The following PRPF8 variants were observed in gnomAD, a reference collection of about 807,000 sequenced individuals.
PRPF8 encodes the protein pre-mRNA processing factor 8.
In PRPF8, 64 loss-of-function variants were observed where a neutral mutation model predicts 285.9. The observed-to-expected ratio is 0.22, with a 90% CI of 0.18 to 0.28. The LOEUF is 0.28. Among genes scored for constraint, PRPF8 ranks in the 10% least tolerant of loss-of-function variants. The pLI, the probability that PRPF8 is intolerant of heterozygous loss-of-function variation, is 1.00. For missense variants in PRPF8, 1,426 were observed against 3,026.7 expected (o/e 0.47, Z 12.41); for synonymous variants, 1,325 against 1,118.2 (o/e 1.18, Z -3.69).
rs58454297 is a variant in PRPF8, at chr17:1,663,710, C to CAAAAA, written c.3775-1562_3775-1558dup. Reference sequence around the variant, plus strand: ...GGCAACCAAGGAAGAGACTCCATCTCAAAAAAAAAAAAAAAAAAAAAAAAA... The same window carrying CAAAAA: ...GGCAACCAAGGAAGAGACTCCATCTCAAAAAAAAAAAAAAAAAAAAAAAAAAAAAA... On this transcript the variant is annotated intron_variant, in intron 24 of 42. Coordinates refer to ENST00000304992, the MANE Select transcript of PRPF8 (RefSeq NM_006445.4). Among the ~76,000 whole-genome samples the CAAAAA allele has an allele frequency of 3.0e-3, 52 of 17,112 alleles. 6 individuals carry two copies. Among genetic ancestry groups the CAAAAA allele is most frequent in the South Asian group, 7.3e-3 (2 of 274 alleles). The allele number at this position is 17,112 out of a possible 152,430, so 11.2% of individuals were successfully genotyped here. A position where few individuals can be genotyped will look rare whatever the true frequency, so the allele number is the denominator to read the frequency against.
At position 1,659,084 on chromosome 17, in the gene PRPF8, G is replaced by A; in HGVS notation, c.5138+273C>T. ...TCTGTCGCCCAGGCTGGAGTGCAGT[G>A]GCGCAATCTCGGTTCACTGCAAGCT... On this transcript the variant is annotated intron_variant, in intron 32 of 42. Transcript: ENST00000304992. The surrounding 1 kb of genome is among the most constrained non-coding windows in gnomAD (Gnocchi z 5.1). 5.0e-6 allele frequency: 3 copies of A among 598,196 alleles called. No individual in the cohort carries two copies. Among genetic ancestry groups the A allele is most frequent in the South Asian group, 2.0e-5 (1 of 50,606 alleles). 37.1% of individuals were successfully genotyped at this position (598,196 alleles called of 1,614,324 possible).
In PRPF8 at chr17:1,683,638, T is replaced by A; in HGVS notation, c.164A>T (p.Asp55Val). 6.2e-7 allele frequency: 1 copy of A among 1,614,182 alleles called. No homozygotes were observed. Among genetic ancestry groups the A allele is most frequent in the Admixed American group, 1.7e-5 (1 of 60,020 alleles). ...YAEKRKFGFV[D>V]AQKEDMPPEH... is the part of the protein sequence containing the mutation. ...TGGGGGCATGTCTTCCTTCTGGGCA[T>A]CCACAAACCCAAACTTCCGCTTTTC... is the stretch of plus-strand genomic sequence containing the variant. The change falls in exon 3 of 43, where the codon GAT becomes GTT. Residue 55 changes from aspartate (D) to valine (V), a missense_variant. Asp to Val is a radical substitution (Grantham distance 152). This residue lies in a region of PRPF8 where 72 missense variants were observed against 80.0 expected (regional missense o/e 0.90). Coordinates refer to ENST00000304992, the MANE Select transcript of PRPF8 (RefSeq NM_006445.4).
In PRPF8 at chr17:1,682,200, G is replaced by A; in HGVS notation, c.363C>T (p.His121=). 1.2e-6 allele frequency: 2 copies of A among 1,614,116 alleles called. No individual in the cohort carries two copies. The highest frequency in any genetic ancestry group is 1.7e-6 in the Non-Finnish European group (2 of 1,180,008). The part of the protein sequence containing the change: ...EQIRDVPVLY[H]ITGAISFVNE... The stretch of plus-strand genomic sequence containing the variant: ...TGACGAAGGAAATGGCTCCAGTGAT[G>A]TGGTACAGCACAGGCACATCCCGAA... The change falls in exon 4 of 43, where the codon CAC becomes CAT. Residue 121 remains histidine, a synonymous_variant. Transcript: ENST00000304992.
In PRPF8 at chr17:1,677,665, G is replaced by A. The variant is rs985236076; in HGVS notation, c.1884C>T (p.Gly628=). ...TGPVGKGPGC[G]FWAAGWRVWL... is the part of the protein sequence containing the mutation. The stretch of plus-strand genomic sequence containing the variant: ...AGACTCGCCAACCGGCAGCCCAGAA[G>A]CCACAGCCAGGACCCTTCCCTACAG... Residue 628 remains glycine, a synonymous_variant, in exon 14 of 43, where the codon GGC becomes GGT. Transcript: ENST00000304992. 1 of 1,613,780 alleles carries A rather than the reference G, an allele frequency of 6.2e-7. No homozygotes were observed. The highest frequency in any genetic ancestry group is 1.3e-5 in the African/African-American group (1 of 74,830).
At position 1,679,914 on chromosome 17, in the gene PRPF8, T is replaced by C. The variant is rs959284239; in HGVS notation, c.1099-115A>G. On this transcript the variant is annotated intron_variant, in intron 8 of 42. Transcript: ENST00000304992. This position sits in a 1 kb window ranked among gnomAD's most constrained non-coding sequence, Gnocchi z 4.7. ...CCTGTATCTGCTATGGAAACTGGGCTGTCTGACAAAAGCAGCCCTGAAGTG... is the reference window on the plus strand; with the variant it reads ...CCTGTATCTGCTATGGAAACTGGGCCGTCTGACAAAAGCAGCCCTGAAGTG... 9.3e-6 allele frequency: 12 copies of C among 1,287,978 alleles called. No homozygotes were observed. The African/African-American group carries it at 1.6e-4, about 17-fold the overall frequency. The allele number at this position is 1,287,978 out of a possible 1,614,324, so 79.8% of individuals were successfully genotyped here.
chr17:1,683,812 C>G, intron 2 of PRPF8, 111 bp from the exon 3 acceptor site: 1 of 1,260,946 alleles, frequency 7.9e-7, no homozygotes, highest in Non-Finnish European at 1.1e-6. Context: ...CAGGCACCAG[C>G]AGGAAGAAGC....
chr17:1,676,886 G>A lies in PRPF8; in HGVS notation c.2181+90C>T, dbSNP rs1406890121. ...CTAAAAGGGAAAAGAAAAGAGATTG[G>A]AGCCAGATAGCCCCCTAATGATTCC... On this transcript the variant is annotated intron_variant, in intron 15 of 42. Coordinates refer to ENST00000304992, the MANE Select transcript of PRPF8 (RefSeq NM_006445.4). The surrounding 1 kb of genome is among the most constrained non-coding windows in gnomAD (Gnocchi z 6.3). 2.6e-6 allele frequency: 4 copies of A among 1,526,874 alleles called. No homozygotes were observed. Among genetic ancestry groups the A allele is most frequent in the Non-Finnish European group, 3.6e-6 (4 of 1,109,998 alleles). The allele number at this position is 1,526,874 out of a possible 1,614,324, so 94.6% of individuals were successfully genotyped here.
In PRPF8 at chr17:1,658,978, A is replaced by C; in HGVS notation, c.5139-215T>G. On this transcript the variant is annotated intron_variant, in intron 32 of 42. Transcript: ENST00000304992. The surrounding 1 kb of genome is among the most constrained non-coding windows in gnomAD (Gnocchi z 4.1). The stretch of plus-strand genomic sequence containing the variant: ...TAAAGTAAAAAAGTATGACTACGTT[A>C]AAGTATGGAGCTAATGGAAAATACA... 1.5e-6 allele frequency: 1 copy of C among 682,792 alleles called. No individual in the cohort carries two copies. Among genetic ancestry groups the C allele is most frequent in the South Asian group, 1.6e-5 (1 of 64,112 alleles). 42.3% of individuals were successfully genotyped at this position (682,792 alleles called of 1,614,324 possible).
At position 1,675,079 on chromosome 17, in the gene PRPF8, T is replaced by A. The variant is rs898890857; in HGVS notation, c.3060+73A>T. 1 of 1,586,654 alleles carries A rather than the reference T, an allele frequency of 6.3e-7. No homozygotes were observed. Among genetic ancestry groups the A allele is most frequent in the African/African-American group, 1.3e-5 (1 of 74,476 alleles). ...TGAGCCACCGCACCCAGCCTCCTCC[T>A]CAGCAAATTCTGAGTCAGTGGGCCA... On this transcript the variant is annotated intron_variant, in intron 20 of 42. Coordinates refer to ENST00000304992, the MANE Select transcript of PRPF8 (RefSeq NM_006445.4). The surrounding 1 kb of genome is among the most constrained non-coding windows in gnomAD (Gnocchi z 6.0).
Position 1,674,631 on chromosome 17 carries a change from G to A in PRPF8, c.3110C>T (p.Ala1037Val). The A allele has an allele frequency of 6.2e-7, 1 of 1,614,102 alleles. No homozygotes were observed. Among genetic ancestry groups the A allele is most frequent in the Non-Finnish European group, 8.5e-7 (1 of 1,180,020 alleles). Reference protein sequence around the residue: ...SYGIIRGLQFASFIVQYYGLV... With the variant: ...SYGIIRGLQFVSFIVQYYGLV... ...GCCATAATACTGCACGATGAATGAG[G>A]CAAACTGCAGGCCTCTGATGATCCC... The change falls in exon 21 of 43, where the codon GCC becomes GTC. Residue 1037 changes from alanine to valine, a missense_variant. Physicochemically the swap from Ala to Val is moderately conservative, Grantham distance 64 (BLOSUM62 0). This residue lies in a region of PRPF8 where 32 missense variants were observed against 89.2 expected (regional missense o/e 0.36). Coordinates refer to ENST00000304992, the MANE Select transcript of PRPF8 (RefSeq NM_006445.4).
At chr17:1,655,589 T>G in intron 36 of PRPF8, 46 bp from the exon 37 acceptor site, 1 of 1,495,132 alleles carries the variant, frequency 6.7e-7, no homozygotes, top group African/African-American at 1.4e-5. Flanking sequence ...TGCTTGAGGC[T>G]CTCCCACTTT....
rs1911491525 is a variant in PRPF8, at chr17:1,658,067, GA to G, written c.5505+185del. Among the ~76,000 whole-genome samples the G allele has an allele frequency of 6.6e-6, 1 of 151,998 alleles. No individual in the cohort carries two copies. The highest frequency in any genetic ancestry group is 2.4e-5 in the African/African-American group (1 of 41,394). ...AGAAATTCAGGAAACAGACCAGCTG[GA>G]AGGGAACGAAGCACCTCATACACTC... On this transcript the variant is annotated intron_variant, in intron 34 of 42. Transcript: ENST00000304992. The surrounding 1 kb of genome is among the most constrained non-coding windows in gnomAD (Gnocchi z 4.1).
chr17:1,658,855 G>C lies in PRPF8; in HGVS notation c.5139-92C>G. 8.9e-7 allele frequency: 1 copy of C among 1,129,896 alleles called. No homozygotes were observed. The highest frequency in any genetic ancestry group is 1.3e-6 in the Non-Finnish European group (1 of 745,502). The allele number at this position is 1,129,896 out of a possible 1,614,324, so 70.0% of individuals were successfully genotyped here. A position where few individuals can be genotyped will look rare whatever the true frequency, so the allele number is the denominator to read the frequency against. On this transcript the variant is annotated intron_variant, in intron 32 of 42. Transcript: ENST00000304992. This position sits in a 1 kb window ranked among gnomAD's most constrained non-coding sequence, Gnocchi z 4.1. ...CCAACTCTACAGAGGAAGAAAGACT[G>C]TTCGCCAGGCTGACAACACTCTGCT...
chr17:1,674,407 A>G (rs1452732219), intron 21 of PRPF8, 35 bp downstream of exon 21: 5 of 1,598,816 alleles, frequency 3.1e-6, no homozygotes, highest in Non-Finnish European at 4.3e-6. Flanking sequence ...ATGCCTCAGT[A>G]CCCTGCAAGG....
chr17:1,656,327 C>G (rs1365774564), intron 36 of PRPF8, 65 bp downstream of exon 36: 21 of 1,601,060 alleles, frequency 1.3e-5, no homozygotes, highest in Non-Finnish European at 1.7e-5. Context: ...AAACCTGACA[C>G]AGGATCTTCT....
chr17:1,650,832 G>A lies in PRPF8; in HGVS notation c.6978C>T (p.Tyr2326=), dbSNP rs773363890. 2 of 1,614,160 alleles carry A rather than the reference G, an allele frequency of 1.2e-6. No individual in the cohort carries two copies. Among genetic ancestry groups the A allele is most frequent in the Admixed American group, 1.7e-5 (1 of 60,020 alleles). The change falls in exon 43 of 43, where the codon TAC becomes TAT. Residue 2326 remains tyrosine, a synonymous_variant. Coordinates refer to ENST00000304992, the MANE Select transcript of PRPF8 (RefSeq NM_006445.4). ...NFALLQEGEV[Y]SADREDLYA is the part of the protein sequence containing the mutation. Reference sequence around the variant, plus strand: ...CATACAGGTCCTCCCGATCCGCAGAGTAAACCTCCCCCTCCTGCAGGAGAG... The same window carrying A: ...CATACAGGTCCTCCCGATCCGCAGAATAAACCTCCCCCTCCTGCAGGAGAG...
At chr17:1,665,400 T>C (rs1207779549) in intron 24 of PRPF8, among the ~76,000 whole-genome samples, 2 of 150,996 alleles carry the variant, frequency 1.3e-5, no homozygotes, top group Non-Finnish European at 2.9e-5. Context: ...TAGCTGAGCA[T>C]GGTGGCAGGC....
chr17:1,677,203 AG>A (rs1912647630), intron 14 of PRPF8, 31 bp from the exon 15 acceptor site: 1 of 1,603,868 alleles, frequency 6.2e-7, no homozygotes, highest in Admixed American at 1.7e-5. Flanking sequence ...GGGGATTACA[AG>A]GAAGATTCCT....
chr17:1,661,064 G>A lies in PRPF8; in HGVS notation c.4437C>T (p.Gly1479=), dbSNP rs187811139. 9.9e-6 allele frequency: 16 copies of A among 1,614,080 alleles called. No individual in the cohort carries two copies. In the East Asian group the frequency reaches 1.1e-4, roughly 11 times the overall value. The part of the protein sequence containing the change: ...NYRTDMIQAL[G]GVEGILEHTL... ...TGTGTTCCAGAATGCCTTCCACACC[G>A]CCCAGGGCCTGGATCATGTCTGTAC... is the stretch of plus-strand genomic sequence containing the variant. Residue 1479 remains glycine, a synonymous_variant, in exon 28 of 43, where the codon GGC becomes GGT. Transcript: ENST00000304992. The surrounding 1 kb of genome is among the most constrained non-coding windows in gnomAD (Gnocchi z 7.3).
Sources: gnomAD v4.1 joint callset for allele counts (sites outside exome capture counted in the v4.1 genomes callset) on GRCh38, gnomAD v4.1.1 for gene constraint, gnomAD v4.1.1 regional missense constraint, Gnocchi (gnomAD v3.1) non-coding constraint, MANE v1.5 for transcripts, NCBI Gene and HGNC (gene_info 2026-07-23, HGNC 2026-07-21) for gene names.